NBEAL1: variants seen among roughly 807,000 people sequenced by gnomAD.
NBEAL1 encodes the protein neurobeachin like 1.
Under a neutral mutation model 351.3 loss-of-function variants are expected in NBEAL1, and 273 were observed. The observed-to-expected ratio is 0.78, with a 90% CI of 0.70 to 0.86. NBEAL1 has a LOEUF of 0.86. NBEAL1 is among the 40% of genes least tolerant of loss of function. NBEAL1 has a pLI of 0.00. For missense variants in NBEAL1, 2,961 were observed against 3,201.3 expected (o/e 0.92, Z 1.81); for synonymous variants, 1,050 against 1,086.4 (o/e 0.97, Z 0.66).
chr2:203,199,250 A>C (rs1411189597), intron 48 of NBEAL1, 88 bp from the exon 49 acceptor site: 22 of 712,662 alleles, frequency 3.1e-5, no homozygotes, highest in Non-Finnish European at 4.7e-5. Context: ...CTAAGTGATA[A>C]ATGCCAATGT....
chr2:203,108,051 T>G lies in NBEAL1; in HGVS notation c.1812T>G (p.Ser604Arg). 6.4e-7 allele frequency: 1 copy of G among 1,553,020 alleles called. No homozygotes were observed. Among genetic ancestry groups the G allele is most frequent in the Non-Finnish European group, 8.7e-7 (1 of 1,147,398 alleles). ...SALQYFNLSH[S>R]MAGISVPPIQ... is the part of the protein sequence containing the mutation. ...TCCAGTATTTCAATTTGTCACATAGTATGGCAGGAATTTCTGTGCCTCCCA... is the reference window on the plus strand; with the variant it reads ...TCCAGTATTTCAATTTGTCACATAGGATGGCAGGAATTTCTGTGCCTCCCA... The change falls in exon 14 of 56, where the codon AGT becomes AGG. Residue 604 changes from serine to arginine, a missense_variant. Ser to Arg is a moderately radical substitution (Grantham distance 110). Coordinates refer to ENST00000683969, the MANE Select transcript of NBEAL1 (RefSeq NM_001378026.1).
At chr2:203,154,381 A>T (rs2063743744) in intron 35 of NBEAL1, among the ~76,000 whole-genome samples, 1 of 152,228 alleles carries the variant, frequency 6.6e-6, no homozygotes, top group African/African-American at 2.4e-5. Flanking sequence ...AGTATACTTC[A>T]GAATTAACTG....
At chr2:203,152,619 A>G (rs748447312) in intron 35 of NBEAL1, among the ~76,000 whole-genome samples, 8 of 151,782 alleles carry the variant, frequency 5.3e-5, no homozygotes, top group Non-Finnish European at 1.2e-4. Flanking sequence ...GCCTGACACT[A>G]TTTCAAAACA....
At chr2:203,039,740 A>G (rs1253282635) in intron 2 of NBEAL1, among the ~76,000 whole-genome samples, 4 of 152,176 alleles carry the variant, frequency 2.6e-5, no homozygotes, top group Non-Finnish European at 5.9e-5. Flanking sequence ...GTTTACGTTA[A>G]TGATCCATTT....
rs1248800779 is a variant in NBEAL1 at position 203,099,681 on chromosome 2, C to T, written c.1238C>T (p.Thr413Ile). Residue 413 changes from threonine (T) to isoleucine (I), a missense_variant, in exon 12 of 56, where the codon ACC (threonine) becomes ATC (isoleucine). Thr to Ile is a moderately conservative substitution (Grantham distance 89). Coordinates refer to ENST00000683969, the MANE Select transcript of NBEAL1 (RefSeq NM_001378026.1). ...CLAISTIQALTAVMNKSPAAK... is the reference protein window; with the variant it reads ...CLAISTIQALIAVMNKSPAAK... ...GCCATATCAACCATTCAGGCTTTGA[C>T]CGCAGTAATGAACAAATCTCCAGCT... 3 of 1,551,152 alleles carry T rather than the reference C, an allele frequency of 1.9e-6. No individual in the cohort carries two copies. In the Admixed American group the frequency reaches 5.9e-5, roughly 31 times the overall value.
chr2:203,180,466 T>C lies in NBEAL1; in HGVS notation c.6549T>C (p.Leu2183=), dbSNP rs1295203219. The C allele has an allele frequency of 3.7e-6, 6 of 1,611,940 alleles. No homozygotes were observed. In the South Asian group the frequency reaches 6.6e-5, roughly 18 times the overall value. ...ATAATCCATATGATGTTAAAGAACT[T>C]ATTCCTGAATTCTTCTATTTCCCAG... The part of the protein sequence containing the change: ...LMDNPYDVKE[L]IPEFFYFPEF... The change falls in exon 43 of 56, where the codon CTT becomes CTC. Residue 2183 remains leucine (L), a synonymous_variant. Coordinates refer to ENST00000683969, the MANE Select transcript of NBEAL1 (RefSeq NM_001378026.1).
intron 26 of NBEAL1, among the ~76,000 whole-genome samples, chr2:203,132,529 C>T (rs925443567): frequency 6.6e-5 from 10 of 152,246 alleles, no homozygotes; most frequent in African/African-American, 2.4e-4. Context: ...CAGAGTCTTG[C>T]TGTATTGACC....
chr2:203,052,096 T>G (rs2061333245), intron 4 of NBEAL1, among the ~76,000 whole-genome samples: 1 of 152,104 alleles, frequency 6.6e-6, no homozygotes, highest in South Asian at 2.1e-4. Context: ...TTTGACTAAT[T>G]TATGTTGTCA....
At position 203,130,351 on chromosome 2, in the gene NBEAL1, C is replaced by G. The variant is rs913143143; in HGVS notation, c.3439C>G (p.Leu1147Val). ...FGILDVLFSL[L>V]RTSPTRGQLF... Reference sequence around the variant, plus strand: ...AATTTTGGACGTGCTCTTCAGTCTCCTACGTACCAGCCCAACCAGAGGTCA... The same window carrying G: ...AATTTTGGACGTGCTCTTCAGTCTCGTACGTACCAGCCCAACCAGAGGTCA... Residue 1147 changes from leucine (L) to valine (V), a missense_variant, in exon 25 of 56, where the codon CTA (leucine) becomes GTA (valine). Coordinates refer to ENST00000683969, the MANE Select transcript of NBEAL1 (RefSeq NM_001378026.1). The G allele has an allele frequency of 4.6e-6, 7 of 1,533,932 alleles. No homozygotes were observed. In the Admixed American group the frequency reaches 1.5e-4, roughly 33 times the overall value.
At chr2:203,154,404 CCTACTCCTTAGTTTTGT>C (rs1377627568) in intron 35 of NBEAL1, among the ~76,000 whole-genome samples, 19 of 152,024 alleles carry the variant, frequency 1.2e-4, no homozygotes, top group Non-Finnish European at 1.5e-4. Flanking sequence ...AAATGTTTTG[CCTACTCCTTAGTTTTGT>C]CTACTCCTTA....
chr2:203,191,209 G>A, intron 46 of NBEAL1: 1 of 1,559,224 alleles, frequency 6.4e-7, no homozygotes, highest in Non-Finnish European at 8.8e-7. Context: ...CTGTAATGTT[G>A]ATGGCCGCCA....
chr2:203,047,692 A>G (rs2106064397), intron 3 of NBEAL1, among the ~76,000 whole-genome samples: 1 of 150,316 alleles, frequency 6.7e-6, no homozygotes, highest in East Asian at 1.9e-4. Flanking sequence ...CTCTTTGAAC[A>G]CTCTATAATA....
chr2:203,157,260 C>T (rs1043711095), intron 35 of NBEAL1, among the ~76,000 whole-genome samples: 1 of 152,072 alleles, frequency 6.6e-6, no homozygotes, highest in Non-Finnish European at 1.5e-5. Context: ...CACTTTCGCT[C>T]TTGGTCTGTG....
chr2:203,057,556 A>G lies in NBEAL1; in HGVS notation c.515+103A>G, dbSNP rs187708747. ...TATGAAAGCAATTGGAAAGAAGTATATAAGACCCACAGATTTAACTCTGAG... is the reference window on the plus strand; with the variant it reads ...TATGAAAGCAATTGGAAAGAAGTATGTAAGACCCACAGATTTAACTCTGAG... On this transcript the variant is annotated intron_variant, in intron 6 of 55. Coordinates refer to ENST00000683969, the MANE Select transcript of NBEAL1 (RefSeq NM_001378026.1). 3,788 of 907,696 alleles carry G rather than the reference A, an allele frequency of 4.2e-3. 49 individuals carry two copies. The highest frequency in any genetic ancestry group is 2.7e-3 in the Non-Finnish European group (1,686 of 618,448). The allele number at this position is 907,696 out of a possible 1,614,324, so 56.2% of individuals were successfully genotyped here.
chr2:203,200,666 C>T (rs2065372719), intron 49 of NBEAL1, among the ~76,000 whole-genome samples: 1 of 152,028 alleles, frequency 6.6e-6, no homozygotes, highest in South Asian at 2.1e-4. Flanking sequence ...TGCACTTCAG[C>T]CTGGACGACA....
At position 203,187,433 on chromosome 2, in the gene NBEAL1, C is replaced by T. The variant is rs558698621; in HGVS notation, c.6706-1039C>T. On this transcript the variant is annotated intron_variant, in intron 44 of 55. Transcript: ENST00000683969. ...TTTTTTATATTTTCTTTAAATTGTG[C>T]TTACAAATCAAATAGTTCACTTTTG... 2.3e-3 allele frequency among the ~76,000 whole-genome samples: 244 copies of T among 104,230 alleles called. 2 individuals carry two copies. Among genetic ancestry groups the T allele is most frequent in the African/African-American group, 8.5e-3 (241 of 28,218 alleles). The allele number at this position is 104,230 out of a possible 152,430, so 68.4% of individuals were successfully genotyped here.
chr2:203,071,395 G>C (rs1235387936), intron 7 of NBEAL1, among the ~76,000 whole-genome samples: 2 of 152,062 alleles, frequency 1.3e-5, no homozygotes, highest in East Asian at 1.9e-4. Flanking sequence ...TTTGATCAAG[G>C]CTCTAGTTTT....
intron 14 of NBEAL1, among the ~76,000 whole-genome samples, chr2:203,109,676 C>T (rs537105706): frequency 3.9e-5 from 6 of 152,182 alleles, no homozygotes; most frequent in Admixed American, 2.6e-4. Flanking sequence ...CCCGCCACCA[C>T]GCCTGGCTAA....
intron 17 of NBEAL1, among the ~76,000 whole-genome samples, chr2:203,113,676 C>T (rs1019250992): frequency 2.6e-5 from 4 of 151,846 alleles, no homozygotes; most frequent in Non-Finnish European, 5.9e-5. Flanking sequence ...AGTTCAAGAT[C>T]GAGGTGACAT....
Sources: gnomAD v4.1 joint callset for allele counts (sites outside exome capture counted in the v4.1 genomes callset) on GRCh38, gnomAD v4.1.1 for gene constraint, MANE v1.5 for transcripts, NCBI Gene and HGNC (gene_info 2026-07-23, HGNC 2026-07-21) for gene names.